CBFA2T3: variants seen among roughly 807,000 people sequenced by gnomAD.
The protein encoded by CBFA2T3 is CBFA2/RUNX1 partner transcriptional co-repressor 3, also known as transcriptional corepressor CBFA2T3.
A neutral mutation model predicts 58.6 loss-of-function variants in CBFA2T3; 31 were observed. The observed-to-expected ratio is 0.53, with a 90% CI of 0.40 to 0.71. CBFA2T3 has a LOEUF of 0.71. CBFA2T3 is among the 30% of genes least tolerant of loss of function. The pLI is 0.00. For synonymous variants in CBFA2T3, 531 were observed against 421.9 expected (o/e 1.26, Z -3.17); for missense variants, 1,076 against 963.1 (o/e 1.12, Z -1.55).
chr16:88,968,511 C>T (rs188292178), intron 1 of CBFA2T3, among the ~76,000 whole-genome samples: 7 of 152,330 alleles, frequency 4.6e-5, no homozygotes, highest in East Asian at 1.9e-4. Context: ...CCCTGGGGGC[C>T]GAGAGCAGAT....
intron 1 of CBFA2T3, among the ~76,000 whole-genome samples, chr16:88,926,411 C>T (rs1015553804): frequency 1.3e-5 from 2 of 152,228 alleles, no homozygotes; most frequent in African/African-American, 4.8e-5. Flanking sequence ...GTCCCAGCCT[C>T]GTCTCCAAAA....
chr16:88,932,529 C>G (rs1376478961), intron 1 of CBFA2T3, among the ~76,000 whole-genome samples: 8 of 151,906 alleles, frequency 5.3e-5, no homozygotes, highest in Non-Finnish European at 1.0e-4. Flanking sequence ...CACCCATAGT[C>G]CCAGCTACTC....
chr16:88,959,527 T>A (rs897040936), intron 1 of CBFA2T3, among the ~76,000 whole-genome samples: 2 of 152,030 alleles, frequency 1.3e-5, no homozygotes, highest in Non-Finnish European at 2.9e-5. Context: ...GTGGCATGGG[T>A]CATACCACCT....
At chr16:88,899,201 G>C (rs1172113552) in intron 2 of CBFA2T3, among the ~76,000 whole-genome samples, 1 of 152,066 alleles carries the variant, frequency 6.6e-6, no homozygotes, top group Non-Finnish European at 1.5e-5. Flanking sequence ...TGGCTCAGAG[G>C]CCAGTCCCCG....
In CBFA2T3 at chr16:88,876,789, T is replaced by C; in HGVS notation, c.*187A>G. 2.0e-6 allele frequency: 1 copy of C among 506,218 alleles called. No homozygotes were observed. The highest frequency in any genetic ancestry group is 4.1e-5 in the Admixed American group (1 of 24,474). 31.4% of individuals were successfully genotyped at this position (506,218 alleles called of 1,614,324 possible). On this transcript the variant is annotated 3_prime_UTR_variant, in exon 12 of 12. Transcript: ENST00000268679. ...GAGGCAGGTGCACTGAATGCGGTTT[T>C]GTTGGTTCTGTGTCTTCTTTCGGAG...
intron 7 of CBFA2T3, 198 bp downstream of exon 7, chr16:88,884,848 G>A: frequency 2.1e-6 from 1 of 479,418 alleles, no homozygotes; most frequent in Non-Finnish European, 3.7e-6. Context: ...GGGAGAGGTG[G>A]GTTCAGGGCC....
chr16:88,964,944 C>G (rs1214758343), intron 1 of CBFA2T3, among the ~76,000 whole-genome samples: 2 of 149,516 alleles, frequency 1.3e-5, no homozygotes, highest in East Asian at 3.9e-4. Flanking sequence ...ATCCATCCAT[C>G]CATCCATCTA....
At position 88,953,039 on chromosome 16, in the gene CBFA2T3, A is replaced by G. The variant is rs983772459; in HGVS notation, c.151+23618T>C. Among the ~76,000 whole-genome samples the G allele has an allele frequency of 1.3e-5, 2 of 152,158 alleles. No individual in the cohort carries two copies. ...ATCGGGTTTGCTGCTGAATGAGCAG[A>G]TGATCTAATGAGTGACCGTCCTCAC... On this transcript the variant is annotated intron_variant, in intron 1 of 11. Transcript: ENST00000268679. This position sits in a 1 kb window ranked among gnomAD's most constrained non-coding sequence, Gnocchi z 4.9.
intron 1 of CBFA2T3, among the ~76,000 whole-genome samples, chr16:88,974,812 C>T (rs912445564): frequency 5.9e-5 from 9 of 152,198 alleles, no homozygotes; most frequent in African/African-American, 9.6e-5. Flanking sequence ...GGCTTGATGC[C>T]GAGGCTTTCT....
At chr16:88,900,606 C>T (rs1970058521) in intron 2 of CBFA2T3, among the ~76,000 whole-genome samples, 1 of 152,174 alleles carries the variant, frequency 6.6e-6, no homozygotes, top group South Asian at 2.1e-4. Context: ...GTTTCAGAGC[C>T]TGGGGAGGGT....
chr16:88,927,819 T>A (rs375025105), intron 1 of CBFA2T3, among the ~76,000 whole-genome samples: 1 of 152,096 alleles, frequency 6.6e-6, no homozygotes, highest in Admixed American at 6.5e-5. Context: ...ACCTGCTCCC[T>A]CAGGAGGTGG....
intron 1 of CBFA2T3, among the ~76,000 whole-genome samples, chr16:88,973,415 A>G (rs1165724050): frequency 6.6e-6 from 1 of 152,148 alleles, no homozygotes; most frequent in Non-Finnish European, 1.5e-5. Context: ...CTGACGCCTT[A>G]GTTTCGGACT....
At chr16:88,906,504 T>A (rs111668492) in intron 1 of CBFA2T3, among the ~76,000 whole-genome samples, 1 of 151,950 alleles carries the variant, frequency 6.6e-6, no homozygotes, top group African/African-American at 2.4e-5. Flanking sequence ...CTTGGAAAAA[T>A]AAAATCGCAC....
At chr16:88,971,616 C>A (rs1209198517) in intron 1 of CBFA2T3, among the ~76,000 whole-genome samples, 2 of 152,240 alleles carry the variant, frequency 1.3e-5, no homozygotes, top group East Asian at 3.8e-4. Flanking sequence ...TTCATTGGCG[C>A]CTGCTGCAGG....
chr16:88,879,765 A>G (rs1597654443), intron 10 of CBFA2T3: 1 of 363,316 alleles, frequency 2.8e-6, no homozygotes, highest in Non-Finnish European at 5.1e-6. Flanking sequence ...CAAAGCTTGC[A>G]CTCTACCGCA....
At chr16:88,932,820 A>AAAAAAC in intron 1 of CBFA2T3, among the ~76,000 whole-genome samples, 1 of 147,716 alleles carries the variant, frequency 6.8e-6, no homozygotes, top group East Asian at 2.0e-4. Flanking sequence ...AAAAAAAAAA[A>AAAAAAC]AAGCCGGGTG....
intron 2 of CBFA2T3, among the ~76,000 whole-genome samples, chr16:88,900,829 C>A (rs1970066587): frequency 6.6e-6 from 1 of 152,242 alleles, no homozygotes; most frequent in South Asian, 2.1e-4. Flanking sequence ...CTGTTCCCTG[C>A]CCCACAGCCT....
intron 7 of CBFA2T3, chr16:88,883,461 G>C (rs1253495880): frequency 6.5e-6 from 1 of 153,318 alleles, no homozygotes; most frequent in Non-Finnish European, 1.5e-5. Context: ...GTTGTTCTCT[G>C]CTCAGTTAAA....
At chr16:88,962,629 G>A (rs1259175192) in intron 1 of CBFA2T3, among the ~76,000 whole-genome samples, 2 of 152,212 alleles carry the variant, frequency 1.3e-5, no homozygotes, top group Non-Finnish European at 2.9e-5. Flanking sequence ...CAGATGCCGA[G>A]TCCCCTGGAC....
Sources: allele counts gnomAD v4.1 joint callset (sites outside exome capture counted in the v4.1 genomes callset), GRCh38; gene constraint gnomAD v4.1.1; non-coding constraint Gnocchi (gnomAD v3.1); transcripts MANE v1.5; gene names NCBI Gene and HGNC (gene_info 2026-07-23, HGNC 2026-07-21).